ZNF438: variants seen among roughly 807,000 people sequenced by gnomAD.
The protein encoded by ZNF438 is zinc finger protein 438.
In ZNF438, 25 loss-of-function variants were observed where a neutral mutation model predicts 38.0. The ratio of observed to expected loss-of-function variants is 0.66; its 90% CI spans 0.48 to 0.92. The LOEUF (loss-of-function observed/expected upper bound fraction) is 0.92. ZNF438 is among the 40% of genes least tolerant of loss of function. ZNF438 has a pLI of 0.00. For synonymous variants in ZNF438, 372 were observed against 364.1 expected, an observed-to-expected ratio of 1.02 and a Z score of -0.25; for missense variants, 1,007 against 999.6, an observed-to-expected ratio of 1.01 and a Z score of -0.10.
intron 1 of ZNF438, among the ~76,000 whole-genome samples, chr10:30,970,199 G>A (rs752662132): frequency 6.6e-6 from 1 of 151,686 alleles, no homozygotes; most frequent in Non-Finnish European, 1.5e-5. Flanking sequence ...GTTAAAAGAG[G>A]TGATAGGTCC....
At chr10:30,973,489 C>T (rs758738617) in intron 1 of ZNF438, among the ~76,000 whole-genome samples, 2 of 152,196 alleles carry the variant, frequency 1.3e-5, no homozygotes, top group Non-Finnish European at 2.9e-5. Context: ...TACAGTGGCA[C>T]TTAAAAGCCT....
chr10:30,996,472 A>T (rs2370387), intron 1 of ZNF438, among the ~76,000 whole-genome samples: 113,562 of 151,938 alleles, frequency 0.75, 43,425 homozygotes, highest in African/African-American at 0.89. Context: ...CAAGAATATA[A>T]TACTAGAAAT....
intron 1 of ZNF438, among the ~76,000 whole-genome samples, chr10:30,964,922 T>C (rs1031762058): frequency 1.3e-5 from 2 of 152,014 alleles, no homozygotes. Context: ...AAGACCTCAA[T>C]TGCAACAAAA....
At chr10:30,905,083 T>A (rs1410507091) in intron 3 of ZNF438, among the ~76,000 whole-genome samples, 1 of 152,206 alleles carries the variant, frequency 6.6e-6, no homozygotes, top group Non-Finnish European at 1.5e-5. Context: ...ATACTTCACA[T>A]ACTGTAACAT....
chr10:30,851,155 G>C (rs192019116), intron 4 of ZNF438, among the ~76,000 whole-genome samples: 131 of 152,316 alleles, frequency 8.6e-4, no homozygotes, highest in African/African-American at 3.0e-3. Flanking sequence ...CAGATACAGA[G>C]ACAACATGCA....
intron 2 of ZNF438, among the ~76,000 whole-genome samples, chr10:30,924,832 A>G (rs1043066395): frequency 1.3e-5 from 2 of 152,218 alleles, no homozygotes; most frequent in East Asian, 3.8e-4. Flanking sequence ...CAATGAAAAG[A>G]AAGTATCAGT....
intron 4 of ZNF438, among the ~76,000 whole-genome samples, chr10:30,858,982 T>C (rs2035137074): frequency 6.6e-6 from 1 of 152,198 alleles, no homozygotes; most frequent in Non-Finnish European, 1.5e-5. Flanking sequence ...TTTAATATTA[T>C]CCCAATGATA....
chr10:31,020,321 C>T (rs1326328853), intron 1 of ZNF438, among the ~76,000 whole-genome samples: 1 of 152,074 alleles, frequency 6.6e-6, no homozygotes, highest in African/African-American at 2.4e-5. Flanking sequence ...TAGCTGAGTG[C>T]TCCAGAAAAC....
intron 1 of ZNF438, among the ~76,000 whole-genome samples, chr10:30,963,134 C>T (rs559626382): frequency 6.6e-6 from 1 of 152,192 alleles, no homozygotes; most frequent in South Asian, 2.1e-4. Flanking sequence ...CAGTGGCTCA[C>T]ACCTGTAAGC....
At chr10:30,902,947 C>T (rs940585688) in intron 3 of ZNF438, among the ~76,000 whole-genome samples, 1 of 152,054 alleles carries the variant, frequency 6.6e-6, no homozygotes, top group African/African-American at 2.4e-5. Context: ...GTAGGCCTTC[C>T]CTGCGGGGAG....
chr10:31,002,364 T>C (rs2054744870), intron 1 of ZNF438, among the ~76,000 whole-genome samples: 1 of 152,210 alleles, frequency 6.6e-6, no homozygotes, highest in Non-Finnish European at 1.5e-5. Context: ...TATTCACCCT[T>C]AGTCACATTT....
chr10:31,010,550 T>C (rs1364835396), intron 1 of ZNF438, among the ~76,000 whole-genome samples: 2 of 152,198 alleles, frequency 1.3e-5, no homozygotes. Context: ...ACATCTATTT[T>C]CTTTTGGCAT....
At chr10:30,877,094 T>C in intron 3 of ZNF438, 29 bp from the exon 5 acceptor site, 1 of 1,409,472 alleles carries the variant, frequency 7.1e-7, no homozygotes, top group Middle Eastern at 1.8e-4. Context: ...AAATAAGTAT[T>C]AGAAAGTAAT....
At chr10:30,907,519 T>C (rs1004785465) in intron 3 of ZNF438, among the ~76,000 whole-genome samples, 46 of 152,304 alleles carry the variant, frequency 3.0e-4, no homozygotes, top group African/African-American at 1.1e-3. Context: ...AGGGGGAAAT[T>C]TTTAAAATTA....
chr10:31,025,142 C>G (rs1446125562), intron 1 of ZNF438, among the ~76,000 whole-genome samples: 1 of 152,062 alleles, frequency 6.6e-6, no homozygotes, highest in Non-Finnish European at 1.5e-5. Flanking sequence ...TTAAAACTAC[C>G]ACCTCCATTT....
At chr10:30,996,369 C>T (rs559612308) in intron 1 of ZNF438, among the ~76,000 whole-genome samples, 5 of 152,026 alleles carry the variant, frequency 3.3e-5, no homozygotes, top group African/African-American at 1.2e-4. Context: ...ACAGAAGACA[C>T]ATTTTAGGTT....
chr10:30,845,330 C>T, exon 6 of ZNF438: 2 of 1,614,214 alleles, frequency 1.2e-6, no homozygotes, highest in Non-Finnish European at 1.7e-6. Context: ...GCTTCCCTCT[C>T]TCAGGATGCC....
At chr10:30,896,138 A>G (rs2041300870) in intron 3 of ZNF438, among the ~76,000 whole-genome samples, 1 of 152,014 alleles carries the variant, frequency 6.6e-6, no homozygotes, top group African/African-American at 2.4e-5. Flanking sequence ...TACTAAAAAT[A>G]CAAAAAAATT....
intron 2 of ZNF438, among the ~76,000 whole-genome samples, chr10:30,926,159 C>A (rs970320656): frequency 1.3e-5 from 2 of 152,162 alleles, no homozygotes; most frequent in African/African-American, 4.8e-5. Context: ...AAATGGACAT[C>A]CATCTTGGGC....
Sources: gnomAD v4.1 joint callset for allele counts (sites outside exome capture counted in the v4.1 genomes callset) on GRCh38, gnomAD v4.1.1 for gene constraint, MANE v1.5 for transcripts, NCBI Gene and HGNC (gene_info 2026-07-23, HGNC 2026-07-21) for gene names.